Variants in CYYR1 observed in about 807,000 individuals in gnomAD.
CYYR1 encodes cysteine and tyrosine rich 1.
A neutral mutation model predicts 15.2 loss-of-function variants in CYYR1; 14 were observed. The observed-to-expected ratio is 0.92, with a 90% CI of 0.61 to 1.44. The LOEUF (loss-of-function observed/expected upper bound fraction) is 1.44, where lower values mean the gene tolerates loss of function less well. CYYR1 is among the 40% of genes most tolerant of loss of function. The pLI is 0.00. For missense variants in CYYR1, 228 were observed against 209.5 expected, an observed-to-expected ratio of 1.09 and a Z score of -0.54; for synonymous variants, 80 against 77.4, an observed-to-expected ratio of 1.03 and a Z score of -0.18.
At chr21:26,564,703 A>G (rs1426355506) in intron 2 of CYYR1, 2 of 1,165,674 alleles carry the variant, frequency 1.7e-6, no homozygotes, top group South Asian at 1.8e-5. Context: ...CACACAGCAC[A>G]CTCCATGATA....
In CYYR1 at chr21:26,467,874, C is replaced by T. The variant is rs114334580; in HGVS notation, c.*627G>A. 5.1e-3 allele frequency: 789 copies of T among 155,220 alleles called. 7 individuals are homozygous for T. The highest frequency in any genetic ancestry group is 0.018 in the African/African-American group (749 of 41,562). 9.6% of individuals were successfully genotyped at this position (155,220 alleles called of 1,614,324 possible). A position where few individuals can be genotyped will look rare whatever the true frequency, so the allele number is the denominator to read the frequency against. On this transcript the variant is annotated 3_prime_UTR_variant, in exon 4 of 4. Coordinates refer to ENST00000652641, the MANE Select transcript of CYYR1 (RefSeq NM_001320768.2). The stretch of plus-strand genomic sequence containing the variant: ...CAGAACTTCTGAGGCCCAATGAACC[C>T]ATCTACTATTTGATTTTGTTATCCC...
intron 2 of CYYR1, among the ~76,000 whole-genome samples, chr21:26,538,898 A>G (rs955906022): frequency 2.0e-5 from 3 of 152,196 alleles, no homozygotes; most frequent in East Asian, 3.9e-4. Context: ...TTAAACCATT[A>G]AATTTGTGAT....
intron 2 of CYYR1, among the ~76,000 whole-genome samples, chr21:26,501,246 G>A (rs2065477915): frequency 6.6e-6 from 1 of 152,210 alleles, no homozygotes; most frequent in African/African-American, 2.4e-5. Context: ...GCTGAAGCAG[G>A]AGAATCGCTT....
intron 2 of CYYR1, among the ~76,000 whole-genome samples, chr21:26,557,939 C>T (rs1979914244): frequency 6.6e-6 from 1 of 152,204 alleles, no homozygotes; most frequent in Non-Finnish European, 1.5e-5. Flanking sequence ...AAAGCAGAAA[C>T]CTCAGAATTA....
At chr21:26,530,474 T>A (rs184278250) in intron 2 of CYYR1, among the ~76,000 whole-genome samples, 35 of 152,238 alleles carry the variant, frequency 2.3e-4, no homozygotes, top group African/African-American at 4.8e-4. Flanking sequence ...TTATTTTTTT[T>A]AATTATACTT....
chr21:26,567,157 G>T (rs1980688329), intron 1 of CYYR1, among the ~76,000 whole-genome samples: 1 of 113,748 alleles, frequency 8.8e-6, no homozygotes, highest in African/African-American at 3.5e-5. Flanking sequence ...TGCATTGTAT[G>T]CTTTTCATTT....
At position 26,497,851 on chromosome 21, in the gene CYYR1, G is replaced by A. The variant is rs554419164; in HGVS notation, c.177-17422C>T. ...CATTCTTTTCTACATTGAAAGACAGGTGACCACTTCCCTTCAGCAGACTCT... is the reference window on the plus strand; with the variant it reads ...CATTCTTTTCTACATTGAAAGACAGATGACCACTTCCCTTCAGCAGACTCT... On this transcript the variant is annotated intron_variant, in intron 2 of 3. Transcript: ENST00000652641. Among the ~76,000 whole-genome samples, 14 of 152,192 alleles carry A rather than the reference G, an allele frequency of 9.2e-5. No homozygotes were observed. The East Asian group carries it at 2.3e-3, about 25-fold the overall frequency.
intron 2 of CYYR1, among the ~76,000 whole-genome samples, chr21:26,523,924 C>T (rs1259299755): frequency 6.6e-6 from 1 of 152,110 alleles, no homozygotes; most frequent in Non-Finnish European, 1.5e-5. Context: ...ACTATTTCCC[C>T]ATAAGAACAA....
intron 2 of CYYR1, among the ~76,000 whole-genome samples, chr21:26,491,862 G>A (rs992484542): frequency 6.6e-6 from 1 of 152,104 alleles, no homozygotes; most frequent in African/African-American, 2.4e-5. Context: ...CCCATTCTCT[G>A]TTGAGACAAG....
chr21:26,492,879 T>G (rs576716014), intron 2 of CYYR1, among the ~76,000 whole-genome samples: 1 of 152,180 alleles, frequency 6.6e-6, no homozygotes, highest in South Asian at 2.1e-4. Flanking sequence ...AAGTGCAAAC[T>G]AGGTTCTATG....
At chr21:26,539,545 G>GTAGTT (rs1171597900) in intron 2 of CYYR1, among the ~76,000 whole-genome samples, 1 of 152,152 alleles carries the variant, frequency 6.6e-6, no homozygotes, top group Non-Finnish European at 1.5e-5. Flanking sequence ...AATCCATACT[G>GTAGTT]TAGTTTTCAT....
chr21:26,569,102 T>G (rs1319023542), intron 1 of CYYR1: 1 of 152,156 alleles, frequency 6.6e-6, no homozygotes, highest in African/African-American at 2.4e-5. Context: ...TAAAGGGAAA[T>G]AAATCATTCT....
chr21:26,550,959 A>C (rs969698984), intron 2 of CYYR1: 1 of 152,610 alleles, frequency 6.6e-6, no homozygotes, highest in African/African-American at 2.4e-5. Flanking sequence ...GGGAAAAGTC[A>C]ATGACTGGCT....
chr21:26,524,139 A>G (rs193115448), intron 2 of CYYR1, among the ~76,000 whole-genome samples: 1 of 152,276 alleles, frequency 6.6e-6, no homozygotes, highest in African/African-American at 2.4e-5. Flanking sequence ...ACATTTAAAC[A>G]TTTCATATGC....
intron 2 of CYYR1, chr21:26,483,545 T>A (rs1447540642): frequency 2.1e-6 from 1 of 471,340 alleles, no homozygotes; most frequent in African/African-American, 2.1e-5. Flanking sequence ...TATTCATTTT[T>A]CTCCATGAAA....
intron 2 of CYYR1, among the ~76,000 whole-genome samples, chr21:26,495,274 A>C (rs1317764658): frequency 6.6e-6 from 1 of 152,212 alleles, no homozygotes; most frequent in Middle Eastern, 3.2e-3. Context: ...TTAAAGGGGT[A>C]GTAATCTTTG....
At chr21:26,513,411 C>T (rs1176267348) in intron 2 of CYYR1, among the ~76,000 whole-genome samples, 2 of 152,170 alleles carry the variant, frequency 1.3e-5, no homozygotes, top group African/African-American at 4.8e-5. Flanking sequence ...CCTCAATACA[C>T]ACACAGTCAC....
chr21:26,494,118 G>C (rs1290196789), intron 2 of CYYR1, among the ~76,000 whole-genome samples: 1 of 152,154 alleles, frequency 6.6e-6, no homozygotes, highest in Admixed American at 6.6e-5. Flanking sequence ...GTTCCCTCCA[G>C]CTCCCTAGTA....
At chr21:26,492,678 A>G (rs1221804641) in intron 2 of CYYR1, among the ~76,000 whole-genome samples, 1 of 151,874 alleles carries the variant, frequency 6.6e-6, no homozygotes, top group Non-Finnish European at 1.5e-5. Context: ...GAGGCTACGA[A>G]GAGTTCTAGT....
Sources: allele counts gnomAD v4.1 joint callset (sites outside exome capture counted in the v4.1 genomes callset), GRCh38; gene constraint gnomAD v4.1.1; transcripts MANE v1.5; gene names NCBI Gene and HGNC (gene_info 2026-07-23, HGNC 2026-07-21).